The following DNAH6 variants were observed in gnomAD, a reference collection of about 807,000 sequenced individuals.
The protein encoded by DNAH6 is dynein axonemal heavy chain 6, also known as axonemal beta dynein heavy chain 6.
A neutral mutation model predicts 491.4 loss-of-function variants in DNAH6; 340 were observed. The observed-to-expected ratio is 0.69, with a 90% confidence interval of 0.63 to 0.76. DNAH6 has a LOEUF of 0.76. DNAH6 is among the 30% of genes least tolerant of loss of function. DNAH6 has a pLI of 0.00. For missense variants in DNAH6, 4,443 were observed against 4,972.2 expected, an observed-to-expected ratio of 0.89 and a Z score of 3.20; for synonymous variants, 1,603 against 1,686.1, an observed-to-expected ratio of 0.95 and a Z score of 1.21.
Position 84,704,266 on chromosome 2 carries a change from C to A in DNAH6, c.8429C>A (p.Thr2810Lys), listed in dbSNP as rs1002156823. 21 of 1,551,574 alleles carry A rather than the reference C, an allele frequency of 1.4e-5. No individual in the cohort carries two copies. Among genetic ancestry groups the A allele is most frequent in the Non-Finnish European group, 1.5e-5 (17 of 1,146,990 alleles). ...ACAAAGCCCCCAGATTTGGTCATGA[C>A]AGTAATGGAAGCAATCTCCATTCTT... is the stretch of plus-strand genomic sequence containing the variant. The part of the protein sequence containing the change: ...VFTKPPDLVM[T>K]VMEAISILLN... Residue 2810 changes from threonine to lysine, a missense_variant, in exon 51 of 77, where the codon ACA (threonine) becomes AAA (lysine). Physicochemically the swap from Thr to Lys is moderately conservative, Grantham distance 78 (BLOSUM62 -1). Transcript: ENST00000389394.
intron 61 of DNAH6, among the ~76,000 whole-genome samples, chr2:84,728,405 G>A (rs1698838988): frequency 6.6e-6 from 1 of 152,220 alleles, no homozygotes; most frequent in Admixed American, 6.5e-5. Flanking sequence ...CAGTGGAGGG[G>A]TATTGAGGTC....
the DNAH6 span, among the ~76,000 whole-genome samples, chr2:84,485,006 A>T: frequency 6.6e-6 from 1 of 152,206 alleles, no homozygotes; most frequent in African/African-American, 2.4e-5. Flanking sequence ...GAGGGCAAAA[A>T]TTCAGCTTTT....
chr2:84,695,209 T>C (rs1452002445), intron 46 of DNAH6, among the ~76,000 whole-genome samples: 3 of 152,230 alleles, frequency 2.0e-5, no homozygotes, highest in East Asian at 3.9e-4. Flanking sequence ...AAAAATGTGA[T>C]AGAATGTGAA....
At chr2:84,576,789 CAG>C (rs961332296) in intron 12 of DNAH6, among the ~76,000 whole-genome samples, 2 of 152,068 alleles carry the variant, frequency 1.3e-5, no homozygotes, top group African/African-American at 4.8e-5. Flanking sequence ...GCAGGAATGG[CAG>C]AGAGATGTGT....
At chr2:84,660,833 C>T (rs1691432553) in intron 37 of DNAH6, among the ~76,000 whole-genome samples, 1 of 152,052 alleles carries the variant, frequency 6.6e-6, no homozygotes, top group Non-Finnish European at 1.5e-5. Flanking sequence ...ATAAACTGGA[C>T]TATATTCTTC....
At chr2:84,753,948 C>T (rs762174078) in intron 63 of DNAH6, among the ~76,000 whole-genome samples, 4 of 151,182 alleles carry the variant, frequency 2.6e-5, no homozygotes, top group Non-Finnish European at 5.9e-5. Flanking sequence ...CCTCAGCCTC[C>T]CAAGTAGCTG....
At chr2:84,524,191 A>G (rs191466532) in intron 2 of DNAH6, among the ~76,000 whole-genome samples, 1 of 150,606 alleles carries the variant, frequency 6.6e-6, no homozygotes, top group Admixed American at 6.6e-5. Context: ...CTTCACCATT[A>G]TGTAATGCCC....
intron 11 of DNAH6, among the ~76,000 whole-genome samples, chr2:84,569,929 G>T (rs1258490388): frequency 6.6e-6 from 1 of 152,128 alleles, no homozygotes; most frequent in East Asian, 1.9e-4. Flanking sequence ...ATAAAGAAAT[G>T]TGTAGGGTTT....
chr2:84,720,568 G>A (rs188066453), intron 59 of DNAH6, among the ~76,000 whole-genome samples: 3 of 152,112 alleles, frequency 2.0e-5, no homozygotes, highest in Non-Finnish European at 2.9e-5. Context: ...GTGAGCCACC[G>A]CGCCCGGCCG....
intron 60 of DNAH6, among the ~76,000 whole-genome samples, chr2:84,726,601 A>C (rs1698656674): frequency 6.6e-6 from 1 of 152,164 alleles, no homozygotes. Context: ...ACATGGACAC[A>C]GGAAGGGGAA....
intron 22 of DNAH6, 99 bp downstream of exon 22, chr2:84,611,953 A>T: frequency 9.6e-7 from 1 of 1,047,082 alleles, no homozygotes; most frequent in South Asian, 1.8e-5. Context: ...ATCTAATAAC[A>T]TATGGTCCAT....
chr2:84,641,122 A>G (rs1199877963), intron 32 of DNAH6, among the ~76,000 whole-genome samples: 1 of 151,930 alleles, frequency 6.6e-6, no homozygotes, highest in African/African-American at 2.4e-5. Flanking sequence ...CTCAGACCCC[A>G]CTTTTCTCTT....
intron 4 of DNAH6, among the ~76,000 whole-genome samples, chr2:84,539,689 A>G (rs775969437): frequency 6.6e-6 from 1 of 152,130 alleles, no homozygotes; most frequent in Non-Finnish European, 1.5e-5. Flanking sequence ...CAATTCCCAC[A>G]TTGTGCTCAT....
intron 19 of DNAH6, 43 bp downstream of exon 19, chr2:84,604,594 G>A (rs1390889267): frequency 1.4e-6 from 2 of 1,432,996 alleles, no homozygotes; most frequent in Admixed American, 2.3e-5. Flanking sequence ...ATTAGGGAAT[G>A]TGAAAGTTTT....
At chr2:84,777,878 AC>A (rs1415863060) in intron 64 of DNAH6, 25 of 1,238,028 alleles carry the variant, frequency 2.0e-5, no homozygotes, top group Non-Finnish European at 2.5e-5. Context: ...GTATTTTACA[AC>A]ATTAGGAATG....
At chr2:84,603,102 T>C (rs1685420958) in intron 18 of DNAH6, among the ~76,000 whole-genome samples, 1 of 152,132 alleles carries the variant, frequency 6.6e-6, no homozygotes, top group South Asian at 2.1e-4. Flanking sequence ...CTGGGTCTGA[T>C]TATTGCCTTG....
intron 11 of DNAH6, among the ~76,000 whole-genome samples, chr2:84,568,259 A>G (rs1681420094): frequency 6.6e-6 from 1 of 152,210 alleles, no homozygotes; most frequent in Non-Finnish European, 1.5e-5. Context: ...TATTATAAAG[A>G]TATATGCATA....
chr2:84,713,451 C>T (rs932689098), intron 57 of DNAH6, among the ~76,000 whole-genome samples, 192 bp downstream of exon 57: 7 of 152,220 alleles, frequency 4.6e-5, no homozygotes, highest in Non-Finnish European at 1.0e-4. Flanking sequence ...TCCAATCACC[C>T]TTGTCATCAC....
In DNAH6 at chr2:84,557,896, G is replaced by C. The variant is rs771694066; in HGVS notation, c.1764G>C (p.Glu588Asp). The C allele has an allele frequency of 3.1e-6, 5 of 1,611,086 alleles. No individual in the cohort carries two copies. In the South Asian group the frequency reaches 5.5e-5, roughly 18 times the overall value. Residue 588 changes from glutamate (E) to aspartate (D), a missense_variant, in exon 11 of 77, where the codon GAG (glutamate) becomes GAC (aspartate). By Grantham distance (45) the Glu-to-Asp change is conservative. Coordinates refer to ENST00000389394, the MANE Select transcript of DNAH6 (RefSeq NM_001370.2). The stretch of plus-strand genomic sequence containing the variant: ...GGCCAAGTTTAGCAGCAGTATTTGA[G>C]GATGATAAGAATTTTCACACAATTA... ...GTGPSLAAVF[E>D]DDKNFHTIIS...
Sources: gnomAD v4.1 joint callset for allele counts (sites outside exome capture counted in the v4.1 genomes callset) on GRCh38, gnomAD v4.1.1 for gene constraint, MANE v1.5 for transcripts, NCBI Gene and HGNC (gene_info 2026-07-23, HGNC 2026-07-21) for gene names.